DPY19L4: variants seen among roughly 807,000 people sequenced by gnomAD.
DPY19L4 encodes the protein probable C-mannosyltransferase DPY19L4.
In DPY19L4, 97 loss-of-function variants were observed where a neutral mutation model predicts 102.8. The observed-to-expected ratio is 0.94, with a 90% CI of 0.80 to 1.12. The LOEUF (loss-of-function observed/expected upper bound fraction) is 1.12, where lower values mean the gene tolerates loss of function less well. DPY19L4 is among the 50% of genes most tolerant of loss of function. DPY19L4 has a pLI of 0.00. For synonymous variants in DPY19L4, 252 were observed against 283.1 expected, an observed-to-expected ratio of 0.89 and a Z score of 1.10; for missense variants, 815 against 850.4, an observed-to-expected ratio of 0.96 and a Z score of 0.52.
intron 1 of DPY19L4, among the ~76,000 whole-genome samples, chr8:94,724,903 A>T (rs1216021720): frequency 6.6e-6 from 1 of 152,144 alleles, no homozygotes; most frequent in Non-Finnish European, 1.5e-5. Flanking sequence ...ATGTCATTTT[A>T]AAATATTTTC....
intron 6 of DPY19L4, among the ~76,000 whole-genome samples, chr8:94,741,772 A>G (rs986650974): frequency 6.6e-6 from 1 of 152,216 alleles, no homozygotes; most frequent in African/African-American, 2.4e-5. Flanking sequence ...CAACTTTGTT[A>G]ATCTTTGAAA....
chr8:94,758,688 G>A (rs1465992717), intron 7 of DPY19L4, among the ~76,000 whole-genome samples: 1 of 151,838 alleles, frequency 6.6e-6, no homozygotes, highest in East Asian at 1.9e-4. Flanking sequence ...GTGAGTTACT[G>A]TATGTGAATA....
intron 1 of DPY19L4, among the ~76,000 whole-genome samples, chr8:94,724,713 G>GA (rs1044726062): frequency 2.0e-5 from 3 of 152,102 alleles, no homozygotes; most frequent in Non-Finnish European, 1.5e-5. Context: ...TCAGCCTCCT[G>GA]AGTAGCTGGG....
At chr8:94,734,808 T>C (rs2130807023) in intron 3 of DPY19L4, 54 bp downstream of exon 3, 1 of 1,608,474 alleles carries the variant, frequency 6.2e-7, no homozygotes, top group East Asian at 2.2e-5. Flanking sequence ...GGAACCAGAA[T>C]GTATGTATGA....
chr8:94,745,185 G>A (rs1811615823), intron 6 of DPY19L4: 2 of 153,194 alleles, frequency 1.3e-5, no homozygotes, highest in African/African-American at 4.8e-5. Flanking sequence ...ACTAAAAGGT[G>A]TAGGTATACT....
In DPY19L4 at chr8:94,729,473, C is replaced by T. The variant is rs1482293612; in HGVS notation, c.127+3032C>T. 3.5e-5 allele frequency among the ~76,000 whole-genome samples: 5 copies of T among 142,156 alleles called. 1 individual carries two copies. Among genetic ancestry groups the T allele is most frequent in the Admixed American group, 1.4e-4 (2 of 14,208 alleles). The allele number at this position is 142,156 out of a possible 152,430, so 93.3% of individuals were successfully genotyped here. On this transcript the variant is annotated intron_variant, in intron 2 of 18. Coordinates refer to ENST00000414645, the MANE Select transcript of DPY19L4 (RefSeq NM_181787.3). ...AATCAGCCAAGTGTGGTGGTGTGCC[C>T]CTGTAGTCCCAGCTACTTGGGAGGC... is the stretch of plus-strand genomic sequence containing the variant.
chr8:94,723,405 G>A (rs1158678176), intron 1 of DPY19L4, among the ~76,000 whole-genome samples: 5 of 151,928 alleles, frequency 3.3e-5, no homozygotes, highest in African/African-American at 1.2e-4. Context: ...CCCGGGAGGC[G>A]GAGGTTGTAG....
intron 13 of DPY19L4, among the ~76,000 whole-genome samples, chr8:94,774,157 C>T (rs1216736187): frequency 4.0e-5 from 6 of 151,794 alleles, no homozygotes; most frequent in African/African-American, 1.2e-4. Context: ...AGTGCTCCCA[C>T]GATATCCTTC....
At chr8:94,723,245 G>A (rs1810547529) in intron 1 of DPY19L4, among the ~76,000 whole-genome samples, 1 of 152,186 alleles carries the variant, frequency 6.6e-6, no homozygotes, top group Non-Finnish European at 1.5e-5. Flanking sequence ...GGCCGAGGCG[G>A]GCAAATCACG....
chr8:94,727,034 A>G (rs1045647359), intron 2 of DPY19L4, among the ~76,000 whole-genome samples: 22 of 152,220 alleles, frequency 1.4e-4, no homozygotes, highest in Non-Finnish European at 2.6e-4. Flanking sequence ...ATCTAGTCAC[A>G]GCCTTAATCT....
At chr8:94,770,957 C>T (rs1586399766) in intron 13 of DPY19L4, among the ~76,000 whole-genome samples, 1 of 150,764 alleles carries the variant, frequency 6.6e-6, no homozygotes, top group East Asian at 2.0e-4. Context: ...CTCTGTCACC[C>T]AGGCTGGAGT....
At chr8:94,759,697 G>A (rs762268102) in intron 7 of DPY19L4, among the ~76,000 whole-genome samples, 17 of 151,220 alleles carry the variant, frequency 1.1e-4, no homozygotes, top group Non-Finnish European at 1.9e-4. Context: ...GTAGAGACAG[G>A]GTTTCTCCAT....
intron 13 of DPY19L4, among the ~76,000 whole-genome samples, chr8:94,771,342 G>T (rs947061524): frequency 1.3e-5 from 2 of 152,150 alleles, no homozygotes; most frequent in Non-Finnish European, 2.9e-5. Flanking sequence ...ATATTATAAT[G>T]AACTGACATT....
chr8:94,757,166 G>T lies in DPY19L4; in HGVS notation c.735+1007G>T, dbSNP rs537428284. Among the ~76,000 whole-genome samples, 11 of 152,310 alleles carry T rather than the reference G, an allele frequency of 7.2e-5. No homozygotes were observed. In the East Asian group the frequency reaches 1.7e-3, roughly 24 times the overall value. On this transcript the variant is annotated intron_variant, in intron 7 of 18. Coordinates refer to ENST00000414645, the MANE Select transcript of DPY19L4 (RefSeq NM_181787.3). ...TTACTGGCTAGAAAAAGAGAGCAGA[G>T]ATTATTAAACCTGGTTGTCCAGGAA...
intron 6 of DPY19L4, among the ~76,000 whole-genome samples, chr8:94,753,987 G>A (rs918367296): frequency 1.3e-5 from 2 of 152,168 alleles, no homozygotes; most frequent in Admixed American, 6.6e-5. Context: ...TTTGAGACCA[G>A]CCTGGGCAAC....
rs747865072 is a variant in DPY19L4, at chr8:94,738,378, C to A, written c.262C>A (p.Arg88=). The A allele has an allele frequency of 6.6e-7, 1 of 1,510,332 alleles. No individual in the cohort carries two copies. Among genetic ancestry groups the A allele is most frequent in the Non-Finnish European group, 8.8e-7 (1 of 1,130,506 alleles). 93.6% of individuals were successfully genotyped at this position (1,510,332 alleles called of 1,614,324 possible). A position where few individuals can be genotyped will look rare whatever the true frequency, so the allele number is the denominator to read the frequency against. The change falls in exon 4 of 19, where the codon CGG becomes AGG. Residue 88 remains arginine, a synonymous_variant. Coordinates refer to ENST00000414645, the MANE Select transcript of DPY19L4 (RefSeq NM_181787.3). ...TTTCATTTTCTTTTAGGAGCTTGAA[C>A]GGGAAATCACGTTTCAGGGTGACAG... ...FWFSNRQELE[R]EITFQGDSAI... is the part of the protein sequence containing the mutation.
At chr8:94,734,239 G>C (rs1811097612) in intron 2 of DPY19L4, among the ~76,000 whole-genome samples, 1 of 151,536 alleles carries the variant, frequency 6.6e-6, no homozygotes, top group African/African-American at 2.4e-5. Context: ...TTGTATTTTA[G>C]TTTCACCATG....
chr8:94,769,833 A>G (rs539384019), intron 12 of DPY19L4, among the ~76,000 whole-genome samples: 1 of 152,002 alleles, frequency 6.6e-6, no homozygotes, highest in South Asian at 2.1e-4. Flanking sequence ...AGCAATTGCT[A>G]ATTGATTCAT....
At chr8:94,776,834 A>G (rs924628218) in intron 13 of DPY19L4, among the ~76,000 whole-genome samples, 8 of 151,620 alleles carry the variant, frequency 5.3e-5, no homozygotes, top group African/African-American at 1.9e-4. Flanking sequence ...GCGTGGTGGC[A>G]TGTGCCTGTA....
Sources: gnomAD v4.1 joint callset for allele counts (sites outside exome capture counted in the v4.1 genomes callset) on GRCh38, gnomAD v4.1.1 for gene constraint, MANE v1.5 for transcripts, NCBI Gene and HGNC (gene_info 2026-07-23, HGNC 2026-07-21) for gene names.